The following KCND2 variants were observed in gnomAD, a reference collection of about 807,000 sequenced individuals.
KCND2 encodes A-type voltage-gated potassium channel KCND2.
KCND2 carries 16 observed loss-of-function variants against 54.4 expected under a neutral mutation model. The ratio of observed to expected loss-of-function variants is 0.29; its 90% CI spans 0.20 to 0.45. The LOEUF (loss-of-function observed/expected upper bound fraction) is 0.45, where lower values mean the gene tolerates loss of function less well. KCND2 is among the 20% of genes least tolerant of loss of function. The probability of loss-of-function intolerance (pLI) is 1.00; values close to 1 mark genes in which losing one functional copy is unlikely to be tolerated. For missense variants in KCND2, 486 were observed against 824.2 expected, an observed-to-expected ratio of 0.59 and a Z score of 5.02; for synonymous variants, 317 against 310.7, an observed-to-expected ratio of 1.02 and a Z score of -0.21.
At chr7:120,478,717 C>T (rs1197516453) in intron 1 of KCND2, among the ~76,000 whole-genome samples, 1 of 152,010 alleles carries the variant, frequency 6.6e-6, no homozygotes, top group African/African-American at 2.4e-5. Flanking sequence ...AATTCATATG[C>T]CTGACTCTAT....
intron 1 of KCND2, among the ~76,000 whole-genome samples, chr7:120,331,174 A>G (rs1800063022): frequency 1.3e-5 from 2 of 152,152 alleles, no homozygotes; most frequent in Admixed American, 6.5e-5. Context: ...TATTTTAACC[A>G]TATGTTCCAT....
chr7:120,702,896 A>C (rs185394040), intron 1 of KCND2, among the ~76,000 whole-genome samples: 4 of 152,180 alleles, frequency 2.6e-5, no homozygotes, highest in African/African-American at 9.7e-5. Context: ...AGGTTTACCT[A>C]TATAACAAAC....
At chr7:120,460,390 G>C (rs1305858635) in intron 1 of KCND2, among the ~76,000 whole-genome samples, 1 of 152,058 alleles carries the variant, frequency 6.6e-6, no homozygotes, top group Non-Finnish European at 1.5e-5. Flanking sequence ...CCAAACTCTT[G>C]TCAGCCTGAC....
intron 1 of KCND2, among the ~76,000 whole-genome samples, chr7:120,517,141 G>A (rs984049505): frequency 6.6e-6 from 1 of 151,894 alleles, no homozygotes; most frequent in African/African-American, 2.4e-5. Context: ...TAACCTCATT[G>A]TACATTTAAA....
chr7:120,706,638 T>C (rs1024475448), intron 1 of KCND2, among the ~76,000 whole-genome samples: 3 of 152,164 alleles, frequency 2.0e-5, no homozygotes, highest in Non-Finnish European at 2.9e-5. Flanking sequence ...ATTCAAAAGA[T>C]AGCAGGTATG....
intron 1 of KCND2, among the ~76,000 whole-genome samples, chr7:120,357,691 A>G (rs879936019): frequency 1.2e-4 from 19 of 152,110 alleles, no homozygotes; most frequent in Non-Finnish European, 2.8e-4. Flanking sequence ...AAACAAAAAA[A>G]AAAAATTATT....
intron 1 of KCND2, among the ~76,000 whole-genome samples, chr7:120,670,412 A>C (rs1791977276): frequency 6.6e-6 from 1 of 152,090 alleles, no homozygotes; most frequent in South Asian, 2.1e-4. Flanking sequence ...TAAATCAGAC[A>C]TTGGCAACCT....
chr7:120,560,811 A>T (rs1172275005), intron 1 of KCND2, among the ~76,000 whole-genome samples: 1 of 152,158 alleles, frequency 6.6e-6, no homozygotes, highest in East Asian at 1.9e-4. Context: ...ATTTATTGGA[A>T]TCATAAATGT....
intron 1 of KCND2, among the ~76,000 whole-genome samples, chr7:120,542,429 G>A (rs972664074): frequency 2.0e-5 from 3 of 152,090 alleles, no homozygotes; most frequent in Non-Finnish European, 4.4e-5. Flanking sequence ...TCTTCTCCAA[G>A]TGTATAAGTT....
intron 1 of KCND2, among the ~76,000 whole-genome samples, chr7:120,680,713 A>G (rs1163050515): frequency 2.0e-5 from 3 of 152,116 alleles, no homozygotes; most frequent in Admixed American, 6.6e-5. Flanking sequence ...ATACAATAGT[A>G]TATAAGCTCT....
At chr7:120,709,487 G>A (rs563381009) in intron 1 of KCND2, among the ~76,000 whole-genome samples, 2 of 152,242 alleles carry the variant, frequency 1.3e-5, no homozygotes, top group South Asian at 4.1e-4. Context: ...CACATTAGAT[G>A]AACATTTTCT....
At chr7:120,558,021 C>T (rs1792185362) in intron 1 of KCND2, among the ~76,000 whole-genome samples, 1 of 152,106 alleles carries the variant, frequency 6.6e-6, no homozygotes, top group South Asian at 2.1e-4. Context: ...AGAAAATTTA[C>T]AATACAGGCC....
At chr7:120,361,728 C>T (rs1800595387) in intron 1 of KCND2, among the ~76,000 whole-genome samples, 1 of 152,028 alleles carries the variant, frequency 6.6e-6, no homozygotes, top group African/African-American at 2.4e-5. Context: ...TATTGATTTG[C>T]TATTAAATAT....
chr7:120,475,329 T>A (rs62473168), intron 1 of KCND2, among the ~76,000 whole-genome samples: 3 of 152,128 alleles, frequency 2.0e-5, no homozygotes, highest in African/African-American at 7.2e-5. Context: ...GTTGAGTGAC[T>A]ACCATGCACA....
intron 1 of KCND2, among the ~76,000 whole-genome samples, chr7:120,358,306 C>T (rs1254539830): frequency 6.6e-6 from 1 of 152,092 alleles, no homozygotes; most frequent in East Asian, 1.9e-4. Flanking sequence ...TTATTTTTCT[C>T]TCTCCTTTTT....
intron 1 of KCND2, among the ~76,000 whole-genome samples, chr7:120,554,559 C>T (rs1036202495): frequency 6.6e-6 from 1 of 152,102 alleles, no homozygotes; most frequent in Non-Finnish European, 1.5e-5. Flanking sequence ...CAGGCGCCCG[C>T]CACCACTACT....
chr7:120,495,565 C>G (rs1232385941), intron 1 of KCND2, among the ~76,000 whole-genome samples: 1 of 152,130 alleles, frequency 6.6e-6, no homozygotes, highest in African/African-American at 2.4e-5. Flanking sequence ...TAACTTTTCC[C>G]CATCCCCTGG....
At chr7:120,497,189 A>G (rs749781871) in intron 1 of KCND2, among the ~76,000 whole-genome samples, 11 of 152,202 alleles carry the variant, frequency 7.2e-5, no homozygotes, top group Non-Finnish European at 1.5e-4. Context: ...GATAAAAATA[A>G]TAAGCACATA....
chr7:120,452,933 G>A (rs1264362074), intron 1 of KCND2, among the ~76,000 whole-genome samples: 4 of 152,102 alleles, frequency 2.6e-5, no homozygotes, highest in African/African-American at 9.7e-5. Context: ...CTCTCCTGGG[G>A]CCCCAACCTG....
Sources: gnomAD v4.1 joint callset for allele counts (sites outside exome capture counted in the v4.1 genomes callset) on GRCh38, gnomAD v4.1.1 for gene constraint, MANE v1.5 for transcripts, NCBI Gene and HGNC (gene_info 2026-07-23, HGNC 2026-07-21) for gene names.